Variants in TENT4A observed in about 807,000 individuals in gnomAD.
The protein encoded by TENT4A is DNA polymerase kappa.
In TENT4A, 7 loss-of-function variants were observed where a neutral mutation model predicts 72.8. The observed-to-expected ratio is 0.10, with a 90% confidence interval of 0.05 to 0.18. The LOEUF is 0.18. Ranked by LOEUF, TENT4A falls within the 10% of genes least tolerant of loss-of-function variation. The probability of loss-of-function intolerance (pLI) is 1.00; values close to 1 mark genes in which losing one functional copy is unlikely to be tolerated. For synonymous variants in TENT4A, 456 were observed against 434.3 expected, an observed-to-expected ratio of 1.05 and a Z score of -0.62; for missense variants, 831 against 1,017.7, an observed-to-expected ratio of 0.82 and a Z score of 2.50.
intron 1 of TENT4A, among the ~76,000 whole-genome samples, chr5:6,729,498 A>C (rs955524527): frequency 6.6e-6 from 1 of 152,258 alleles, no homozygotes; most frequent in African/African-American, 2.4e-5. Flanking sequence ...TTGAGCTAGC[A>C]AGCAAGGCTT....
chr5:6,742,361 A>G lies in TENT4A; in HGVS notation c.1009-129A>G. 9.5e-6 allele frequency: 6 copies of G among 634,602 alleles called. No homozygotes were observed. In the South Asian group the frequency reaches 1.1e-4, roughly 12 times the overall value. The allele number at this position is 634,602 out of a possible 1,614,324, so 39.3% of individuals were successfully genotyped here. On this transcript the variant is annotated intron_variant, in intron 4 of 12. Transcript: ENST00000230859. ...GGGTTCAGGGACTACTGATGCTGAC[A>G]GTGTTCTCTGACCCCCTTTCATTAC...
At chr5:6,721,278 C>G (rs538344547) in intron 1 of TENT4A, among the ~76,000 whole-genome samples, 2 of 152,166 alleles carry the variant, frequency 1.3e-5, no homozygotes, top group Non-Finnish European at 2.9e-5. Flanking sequence ...ATTCATAAAC[C>G]AAATGCTAAG....
At chr5:6,718,306 G>A (rs1000138173) in intron 1 of TENT4A, among the ~76,000 whole-genome samples, 1 of 152,166 alleles carries the variant, frequency 6.6e-6, no homozygotes, top group African/African-American at 2.4e-5. Context: ...GCTTGGAGGC[G>A]CAACCAGGAT....
chr5:6,740,513 C>T (rs1277037614), intron 4 of TENT4A, among the ~76,000 whole-genome samples: 1 of 152,134 alleles, frequency 6.6e-6, no homozygotes, highest in Admixed American at 6.5e-5. Context: ...TGATTCACAT[C>T]CTTATAGTGT....
chr5:6,745,625 C>T (rs1742044893), intron 6 of TENT4A, among the ~76,000 whole-genome samples: 1 of 152,186 alleles, frequency 6.6e-6, no homozygotes, highest in Non-Finnish European at 1.5e-5. Context: ...GGTTTACTTC[C>T]GAACAAGCCC....
In TENT4A at chr5:6,748,446, A is replaced by G. The variant is rs1282934522; in HGVS notation, c.1460-18A>G. 6.8e-6 allele frequency: 11 copies of G among 1,613,728 alleles called. No homozygotes were observed. The highest frequency in any genetic ancestry group is 9.3e-6 in the Non-Finnish European group (11 of 1,179,772). On this transcript the variant is annotated intron_variant, in intron 7 of 12. Coordinates refer to ENST00000230859, the MANE Select transcript of TENT4A (RefSeq NM_006999.6). ...GGTGTGCATGTGGGGAGGGTCTGAC[A>G]TAGCCTTTTTGCTGCAGGGAATGAC...
intron 1 of TENT4A, among the ~76,000 whole-genome samples, chr5:6,730,420 A>C (rs1460535813): frequency 2.6e-5 from 4 of 152,184 alleles, no homozygotes; most frequent in Non-Finnish European, 5.9e-5. Context: ...GTCGGTCTTA[A>C]CCTTTTTCAC....
intron 1 of TENT4A, among the ~76,000 whole-genome samples, chr5:6,718,817 C>T (rs777954951): frequency 1.2e-4 from 18 of 152,142 alleles, no homozygotes; most frequent in Non-Finnish European, 2.2e-4. Context: ...CTGCTTGCAC[C>T]ATATGTCTGG....
intron 1 of TENT4A, among the ~76,000 whole-genome samples, chr5:6,718,013 T>C (rs1181580386): frequency 6.6e-6 from 1 of 152,220 alleles, no homozygotes; most frequent in Non-Finnish European, 1.5e-5. Context: ...CCTGAACAGC[T>C]TCTATTCAGA....
chr5:6,755,001 G>A lies in TENT4A; in HGVS notation c.*56G>A, dbSNP rs895122582. On this transcript the variant is annotated 3_prime_UTR_variant, in exon 13 of 13. Coordinates refer to ENST00000230859, the MANE Select transcript of TENT4A (RefSeq NM_006999.6). ...CCTCTGCAGACTGCCCCGCGGCCTC[G>A]GCCACCGGCAGGGGAACCGAGACCA... The A allele has an allele frequency of 1.8e-5, 26 of 1,449,808 alleles. No individual in the cohort carries two copies. In the East Asian group the frequency reaches 2.9e-4, roughly 16 times the overall value. The allele number at this position is 1,449,808 out of a possible 1,614,324, so 89.8% of individuals were successfully genotyped here. A position where few individuals can be genotyped will look rare whatever the true frequency, so the allele number is the denominator to read the frequency against.
At chr5:6,752,801 C>A in intron 11 of TENT4A, 72 bp from the exon 12 acceptor site, 1 of 1,406,500 alleles carries the variant, frequency 7.1e-7, no homozygotes, top group African/African-American at 1.4e-5. Context: ...TTTGGTGGTG[C>A]TGAGCTTAGA....
chr5:6,714,323 T>G lies in TENT4A; in HGVS notation c.340T>G (p.Ser114Ala). 1.8e-6 allele frequency: 2 copies of G among 1,117,196 alleles called. No individual in the cohort carries two copies. The highest frequency in any genetic ancestry group is 2.2e-6 in the Non-Finnish European group (2 of 916,236). 69.2% of individuals were successfully genotyped at this position (1,117,196 alleles called of 1,614,324 possible). Residue 114 changes from serine to alanine, a missense_variant, in exon 1 of 13, where the codon TCC becomes GCC. Physicochemically the swap from Ser to Ala is moderately conservative, Grantham distance 99. Around this residue, in one of 3 missense-constraint regions of TENT4A, gnomAD observed 302 missense variants for 293.8 expected, o/e 1.03. Coordinates refer to ENST00000230859, the MANE Select transcript of TENT4A (RefSeq NM_006999.6). ...GCCGTCGCTGTCGTCCTCGTCGTCG[T>G]CCTCCTCGTCCAACGCGGAGTCGGG... The part of the protein sequence containing the change: ...KSPSLSSSSS[S>A]SSSNAESGTE...
intron 1 of TENT4A, among the ~76,000 whole-genome samples, chr5:6,724,238 G>C (rs1740795297): frequency 6.6e-6 from 1 of 152,212 alleles, no homozygotes; most frequent in Admixed American, 6.5e-5. Context: ...CTGGTATGTT[G>C]GAGTGAAGAG....
chr5:6,739,439 G>C (rs1335763106), intron 3 of TENT4A, among the ~76,000 whole-genome samples: 2 of 152,190 alleles, frequency 1.3e-5, no homozygotes, highest in African/African-American at 4.8e-5. Context: ...CTGGTTTGGG[G>C]GCAGGCATTT....
At chr5:6,722,402 G>A (rs963973991) in intron 1 of TENT4A, among the ~76,000 whole-genome samples, 40 of 152,200 alleles carry the variant, frequency 2.6e-4, no homozygotes, top group African/African-American at 9.7e-4. Context: ...AGACCAAAGT[G>A]AAAACTGCTA....
At chr5:6,735,266 T>C (rs1008321447) in intron 1 of TENT4A, among the ~76,000 whole-genome samples, 2 of 151,258 alleles carry the variant, frequency 1.3e-5, no homozygotes, top group African/African-American at 4.9e-5. Flanking sequence ...TCTAAATTTC[T>C]CTACTCCTGT....
Position 6,714,605 on chromosome 5 carries a change from G to A in TENT4A, c.622G>A (p.Ala208Thr). The change falls in exon 1 of 13, where the codon GCG becomes ACG. Residue 208 changes from alanine (A) to threonine (T), a missense_variant. Coordinates refer to ENST00000230859, the MANE Select transcript of TENT4A (RefSeq NM_006999.6). ...CAACTACCTGCTGTCCGGCAGCCGC[G>A]CGGCCGCTCTCAGCGGAGGGGGCGG... ...GLNYLLSGSR[A>T]AALSGGGGPG... The A allele has an allele frequency of 2.5e-6, 3 of 1,198,566 alleles. No homozygotes were observed. Among genetic ancestry groups the A allele is most frequent in the Non-Finnish European group, 3.1e-6 (3 of 966,398 alleles). The allele number at this position is 1,198,566 out of a possible 1,614,324, so 74.2% of individuals were successfully genotyped here.
At chr5:6,742,636 A>T (rs1252185017) in intron 5 of TENT4A, 39 bp downstream of exon 5, 1 of 1,202,592 alleles carries the variant, frequency 8.3e-7, no homozygotes, top group East Asian at 2.3e-5. Flanking sequence ...AGAGTGCAGG[A>T]CTGGAGTGCT....
intron 1 of TENT4A, among the ~76,000 whole-genome samples, chr5:6,733,794 C>T (rs1482347513): frequency 6.6e-6 from 1 of 152,132 alleles, no homozygotes; most frequent in Non-Finnish European, 1.5e-5. Context: ...TTTGCGCTGG[C>T]GGCGTGGCCT....
Sources: allele counts gnomAD v4.1 joint callset (sites outside exome capture counted in the v4.1 genomes callset), GRCh38; gene constraint gnomAD v4.1.1; regional missense constraint gnomAD v4.1.1; transcripts MANE v1.5; gene names NCBI Gene and HGNC (gene_info 2026-07-23, HGNC 2026-07-21).